The following ROBO1 variants were observed in gnomAD, a reference collection of about 807,000 sequenced individuals.
The protein encoded by ROBO1 is roundabout homolog 1.
Under a neutral mutation model 195.9 loss-of-function variants are expected in ROBO1, and 149 were observed. The ratio of observed to expected loss-of-function variants is 0.76; its 90% CI spans 0.67 to 0.87. The LOEUF (loss-of-function observed/expected upper bound fraction) is 0.87. ROBO1 is among the 40% of genes least tolerant of loss of function. ROBO1 has a pLI of 0.00. For synonymous variants in ROBO1, 816 were observed against 733.2 expected, an observed-to-expected ratio of 1.11 and a Z score of -1.82; for missense variants, 1,933 against 2,068.3, an observed-to-expected ratio of 0.93 and a Z score of 1.27.
chr3:79,041,307 A>T (rs2078483598), intron 3 of ROBO1, among the ~76,000 whole-genome samples: 1 of 152,012 alleles, frequency 6.6e-6, no homozygotes, highest in South Asian at 2.1e-4. Context: ...TGAAATCTTG[A>T]ATGACTAAGA....
intron 3 of ROBO1, among the ~76,000 whole-genome samples, chr3:79,106,824 T>A (rs1013314106): frequency 6.6e-6 from 1 of 151,620 alleles, no homozygotes; most frequent in African/African-American, 2.4e-5. Context: ...AGCAGTGAAG[T>A]TGCACAGGAA....
intron 4 of ROBO1, among the ~76,000 whole-genome samples, chr3:78,931,599 T>A (rs1240258721): frequency 1.3e-5 from 2 of 152,292 alleles, no homozygotes; most frequent in South Asian, 2.1e-4. Flanking sequence ...GAAGAACTTT[T>A]ATCCACCAAG....
At chr3:78,756,805 G>A (rs1025450576) in intron 4 of ROBO1, among the ~76,000 whole-genome samples, 2 of 152,164 alleles carry the variant, frequency 1.3e-5, no homozygotes, top group African/African-American at 4.8e-5. Flanking sequence ...TAGTGGTCCT[G>A]AAGAAAAGGC....
At chr3:78,705,266 A>G (rs544291252) in intron 8 of ROBO1, among the ~76,000 whole-genome samples, 1 of 152,330 alleles carries the variant, frequency 6.6e-6, no homozygotes, top group South Asian at 2.1e-4. Flanking sequence ...TGAATTTTTA[A>G]TTTAGTTTTG....
At chr3:79,180,717 A>G (rs979924330) in intron 2 of ROBO1, among the ~76,000 whole-genome samples, 4 of 152,334 alleles carry the variant, frequency 2.6e-5, no homozygotes, top group African/African-American at 9.6e-5. Context: ...ATAAGTGTAG[A>G]CAATGCTATA....
At chr3:79,586,840 A>G (rs552243112) in intron 2 of ROBO1, among the ~76,000 whole-genome samples, 3 of 152,010 alleles carry the variant, frequency 2.0e-5, no homozygotes, top group Admixed American at 6.6e-5. Context: ...AATTAAGTCA[A>G]GACGTGGCAT....
At chr3:79,231,972 C>T (rs1398834029) in intron 2 of ROBO1, among the ~76,000 whole-genome samples, 2 of 151,896 alleles carry the variant, frequency 1.3e-5, no homozygotes, top group African/African-American at 2.4e-5. Context: ...AAACAGAAAA[C>T]CAAATTCTGC....
intron 2 of ROBO1, among the ~76,000 whole-genome samples, chr3:79,504,835 G>T (rs1940301847): frequency 6.6e-6 from 1 of 151,908 alleles, no homozygotes; most frequent in African/African-American, 2.4e-5. Context: ...AGCCATAGTT[G>T]GGCATATGTG....
At chr3:79,532,253 A>C (rs889730755) in intron 2 of ROBO1, among the ~76,000 whole-genome samples, 2 of 152,168 alleles carry the variant, frequency 1.3e-5, no homozygotes, top group African/African-American at 4.8e-5. Flanking sequence ...AAGTCCACGT[A>C]AAGTGACACT....
chr3:79,205,348 G>T (rs2081848091), intron 2 of ROBO1, among the ~76,000 whole-genome samples: 1 of 151,986 alleles, frequency 6.6e-6, no homozygotes, highest in Non-Finnish European at 1.5e-5. Flanking sequence ...TCAATTCCTA[G>T]CATTTTTACT....
chr3:79,566,696 T>A (rs1943100454), intron 2 of ROBO1, among the ~76,000 whole-genome samples: 1 of 152,070 alleles, frequency 6.6e-6, no homozygotes, highest in African/African-American at 2.4e-5. Context: ...ATATGCCTGA[T>A]CATTAGAGAA....
intron 4 of ROBO1, among the ~76,000 whole-genome samples, chr3:78,903,225 T>A (rs2037692548): frequency 6.6e-6 from 1 of 152,174 alleles, no homozygotes; most frequent in Admixed American, 6.5e-5. Context: ...TAATCCTTTT[T>A]TGCAACTTCA....
At chr3:79,248,762 G>C (rs1168459860) in intron 2 of ROBO1, among the ~76,000 whole-genome samples, 1 of 152,138 alleles carries the variant, frequency 6.6e-6, no homozygotes, top group Non-Finnish European at 1.5e-5. Flanking sequence ...AATTTAAGCA[G>C]TGTTTTGGAG....
chr3:79,375,926 C>T (rs535263834), intron 2 of ROBO1, among the ~76,000 whole-genome samples: 1 of 152,082 alleles, frequency 6.6e-6, no homozygotes, highest in African/African-American at 2.4e-5. Flanking sequence ...TTAGCTTAGA[C>T]CAGGTTTGGG....
intron 1 of ROBO1, among the ~76,000 whole-genome samples, chr3:79,643,699 T>TGGTAAC (rs1945734017): frequency 6.6e-6 from 1 of 152,072 alleles, no homozygotes; most frequent in Admixed American, 6.6e-5. Context: ...GTAAGTCTCA[T>TGGTAAC]GGTAACCACA....
At chr3:78,844,089 A>G (rs2033479848) in intron 4 of ROBO1, among the ~76,000 whole-genome samples, 1 of 152,152 alleles carries the variant, frequency 6.6e-6, no homozygotes, top group South Asian at 2.1e-4. Flanking sequence ...TATATGGATT[A>G]CAGTTGTTTA....
intron 2 of ROBO1, among the ~76,000 whole-genome samples, chr3:79,254,527 G>A (rs187837599): frequency 6.6e-6 from 1 of 152,064 alleles, no homozygotes; most frequent in East Asian, 1.9e-4. Context: ...TAATATGGCT[G>A]CTGTGGCACA....
chr3:79,644,443 G>A (rs1056328516), intron 1 of ROBO1, among the ~76,000 whole-genome samples: 3 of 152,090 alleles, frequency 2.0e-5, no homozygotes, highest in Admixed American at 6.6e-5. Context: ...CATGTGGCTG[G>A]GGAAGCCTCA....
intron 2 of ROBO1, among the ~76,000 whole-genome samples, chr3:79,388,521 C>A (rs1394801943): frequency 2.6e-5 from 4 of 151,004 alleles, no homozygotes; most frequent in African/African-American, 9.8e-5. Flanking sequence ...AGGAAAAAAA[C>A]AATAAAATTT....
Sources: gnomAD v4.1 joint callset for allele counts (sites outside exome capture counted in the v4.1 genomes callset) on GRCh38, gnomAD v4.1.1 for gene constraint, MANE v1.5 for transcripts, NCBI Gene and HGNC (gene_info 2026-07-23, HGNC 2026-07-21) for gene names.